The following RAP1GDS1 variants were observed in gnomAD, a reference collection of about 807,000 sequenced individuals.
The protein encoded by RAP1GDS1 is Rap1 GTPase-GDP dissociation stimulator 1.
A neutral mutation model predicts 71.1 loss-of-function variants in RAP1GDS1; 35 were observed. The ratio of observed to expected loss-of-function variants is 0.49; its 90% confidence interval spans 0.38 to 0.65. RAP1GDS1 has a LOEUF of 0.65. Ranked by LOEUF, RAP1GDS1 falls within the 30% of genes least tolerant of loss-of-function variation. The probability of loss-of-function intolerance (pLI) is 0.00; values close to 1 mark genes in which losing one functional copy is unlikely to be tolerated. For synonymous variants in RAP1GDS1, 229 were observed against 243.1 expected (o/e 0.94, Z 0.54); for missense variants, 663 against 706.1 (o/e 0.94, Z 0.69).
At chr4:98,354,002 T>G (rs1037570990) in intron 4 of RAP1GDS1, among the ~76,000 whole-genome samples, 7 of 152,094 alleles carry the variant, frequency 4.6e-5, no homozygotes, top group African/African-American at 1.7e-4. Flanking sequence ...ATTACTGTTT[T>G]TATTCTTACT....
At chr4:98,441,693 G>T in intron 14 of RAP1GDS1, 1 of 860,910 alleles carries the variant, frequency 1.2e-6, no homozygotes, top group South Asian at 5.4e-5. Flanking sequence ...CTTGAGGCTA[G>T]GAGTTTGAGG....
chr4:98,434,411 A>G (rs904063377), intron 13 of RAP1GDS1, among the ~76,000 whole-genome samples: 2 of 152,202 alleles, frequency 1.3e-5, no homozygotes, highest in African/African-American at 2.4e-5. Flanking sequence ...CTACTCTCCC[A>G]GTGACCCATA....
chr4:98,354,758 A>G (rs1737711180), intron 4 of RAP1GDS1, among the ~76,000 whole-genome samples: 1 of 152,096 alleles, frequency 6.6e-6, no homozygotes, highest in Admixed American at 6.6e-5. Context: ...ACTTATCCTC[A>G]TTTAGTTCAA....
chr4:98,328,140 G>T (rs1733416084), intron 2 of RAP1GDS1, among the ~76,000 whole-genome samples: 1 of 152,124 alleles, frequency 6.6e-6, no homozygotes. Flanking sequence ...TGTATATGGG[G>T]TCTCAACTTT....
At chr4:98,424,032 A>T (rs1243583553) in intron 12 of RAP1GDS1, among the ~76,000 whole-genome samples, 1 of 152,184 alleles carries the variant, frequency 6.6e-6, no homozygotes, top group African/African-American at 2.4e-5. Flanking sequence ...AGCAGCGAGG[A>T]TGGAAAAGAA....
chr4:98,420,132 A>G lies in RAP1GDS1; in HGVS notation c.1288A>G (p.Ile430Val). Residue 430 changes from isoleucine (I) to valine (V), a missense_variant, in exon 11 of 15, where the codon ATA becomes GTA. Ile to Val is a conservative substitution (Grantham distance 29). Coordinates refer to ENST00000408927, the MANE Select transcript of RAP1GDS1 (RefSeq NM_001100427.2). ...ACTTCTGGGAACATTAAGAATGTTAATAGATGCACAAGGTAAAAGAAATGT... is the reference window on the plus strand; with the variant it reads ...ACTTCTGGGAACATTAAGAATGTTAGTAGATGCACAAGGTAAAAGAAATGT... ...FKLLGTLRML[I>V]DAQAEAAEQL... 2 of 1,562,352 alleles carry G rather than the reference A, an allele frequency of 1.3e-6. No individual in the cohort carries two copies. The highest frequency in any genetic ancestry group is 1.7e-6 in the Non-Finnish European group (2 of 1,153,680).
chr4:98,287,511 A>G (rs987629178), intron 1 of RAP1GDS1, among the ~76,000 whole-genome samples: 2 of 152,186 alleles, frequency 1.3e-5, no homozygotes, highest in Non-Finnish European at 2.9e-5. Flanking sequence ...ACAGAGTTAC[A>G]ATGTCATTGC....
intron 5 of RAP1GDS1, among the ~76,000 whole-genome samples, chr4:98,388,037 A>T (rs906533250): frequency 6.6e-6 from 1 of 152,168 alleles, no homozygotes; most frequent in African/African-American, 2.4e-5. Flanking sequence ...AACATTTGCA[A>T]GTTTTCTTTG....
intron 1 of RAP1GDS1, among the ~76,000 whole-genome samples, chr4:98,263,273 A>G (rs561642952): frequency 6.6e-6 from 1 of 152,290 alleles, no homozygotes; most frequent in Non-Finnish European, 1.5e-5. Context: ...TGCAAAATAT[A>G]TTTTCCCATG....
intron 8 of RAP1GDS1, 43 bp downstream of exon 8, chr4:98,416,931 T>G: frequency 6.3e-7 from 1 of 1,591,492 alleles, no homozygotes; most frequent in East Asian, 2.2e-5. Context: ...GGTTGTCAGA[T>G]GTTTTTAAAA....
At chr4:98,309,811 T>A (rs1194613278) in intron 2 of RAP1GDS1, among the ~76,000 whole-genome samples, 2 of 151,878 alleles carry the variant, frequency 1.3e-5, no homozygotes, top group Non-Finnish European at 2.9e-5. Flanking sequence ...TCTCTAATAA[T>A]TGAAGAAATG....
chr4:98,404,542 C>A lies in RAP1GDS1; in HGVS notation c.703C>A (p.Gln235Lys). The change falls in exon 7 of 15, where the codon CAA becomes AAA. Residue 235 changes from glutamine to lysine, a missense_variant. By Grantham distance (53) the Gln-to-Lys change is moderately conservative. Transcript: ENST00000408927. ...AEELVKLFKK[Q>K]IEHDKREMIF... ...AGAGCTAGTAAAACTCTTCAAGAAA[C>A]AAATAGAACATGATAAGAGAGAAAT... 1 of 1,607,146 alleles carries A rather than the reference C, an allele frequency of 6.2e-7. No individual in the cohort carries two copies. Among genetic ancestry groups the A allele is most frequent in the Non-Finnish European group, 8.5e-7 (1 of 1,177,078 alleles).
intron 4 of RAP1GDS1, among the ~76,000 whole-genome samples, chr4:98,371,684 C>G (rs1326450495): frequency 6.6e-6 from 1 of 151,962 alleles, no homozygotes; most frequent in East Asian, 1.9e-4. Context: ...ACTGTGTTGG[C>G]CAGGCTGGTC....
intron 4 of RAP1GDS1, among the ~76,000 whole-genome samples, chr4:98,371,115 C>CTT (rs1032888957): frequency 1.0e-4 from 14 of 135,792 alleles, no homozygotes; most frequent in African/African-American, 2.1e-4. Context: ...ATTGTTATAT[C>CTT]TTTTTTTTTT....
chr4:98,319,355 A>G (rs1327493021), intron 2 of RAP1GDS1, among the ~76,000 whole-genome samples: 1 of 152,182 alleles, frequency 6.6e-6, no homozygotes, highest in Non-Finnish European at 1.5e-5. Context: ...TTTCTTTGAA[A>G]AAGCAAGGAA....
At chr4:98,261,881 C>T (rs1422969140) in intron 1 of RAP1GDS1, among the ~76,000 whole-genome samples, 2 of 152,146 alleles carry the variant, frequency 1.3e-5, no homozygotes, top group African/African-American at 2.4e-5. Context: ...GAGCCTGCCT[C>T]GCGGGCTCGC....
intron 1 of RAP1GDS1, among the ~76,000 whole-genome samples, chr4:98,280,726 A>G (rs1252266287): frequency 1.3e-5 from 2 of 149,088 alleles, no homozygotes; most frequent in African/African-American, 5.0e-5. Context: ...TTTCTTCTAG[A>G]GTTTTTATGG....
At chr4:98,415,012 CTGTT>C (rs1476341498) in intron 7 of RAP1GDS1, among the ~76,000 whole-genome samples, 3 of 152,114 alleles carry the variant, frequency 2.0e-5, no homozygotes, top group Non-Finnish European at 4.4e-5. Flanking sequence ...ATTTGGCTCT[CTGTT>C]TGTCTGTTGT....
chr4:98,391,228 A>ATTAGT (rs1352184581), intron 5 of RAP1GDS1, among the ~76,000 whole-genome samples: 1 of 152,116 alleles, frequency 6.6e-6, no homozygotes, highest in East Asian at 1.9e-4. Flanking sequence ...TTCAAAATCA[A>ATTAGT]TTAGTTTCTT....
Sources: gnomAD v4.1 joint callset for allele counts (sites outside exome capture counted in the v4.1 genomes callset) on GRCh38, gnomAD v4.1.1 for gene constraint, MANE v1.5 for transcripts, NCBI Gene and HGNC (gene_info 2026-07-23, HGNC 2026-07-21) for gene names.